The following ZNF487 variants were observed in gnomAD, a reference collection of about 807,000 sequenced individuals.
The protein encoded by ZNF487 is zinc finger protein 487.
A neutral mutation model predicts 3.0 loss-of-function variants in ZNF487; 4 were observed. That is an observed-to-expected ratio of 1.35 (90% CI 0.66 to 3.08). The LOEUF (loss-of-function observed/expected upper bound fraction) is 3.08, where lower values mean the gene tolerates loss of function less well. ZNF487 is among the 30% of genes most tolerant of loss of function. The probability of loss-of-function intolerance (pLI) is 0.01; values close to 1 mark genes in which losing one functional copy is unlikely to be tolerated. For synonymous variants in ZNF487, 55 were observed against 34.6 expected, an observed-to-expected ratio of 1.59 and a Z score of -2.06; for missense variants, 146 against 98.7, an observed-to-expected ratio of 1.48 and a Z score of -2.03.
the ZNF487 span, among the ~76,000 whole-genome samples, chr10:43,518,060 G>A: frequency 6.6e-6 from 1 of 152,144 alleles, no homozygotes; most frequent in Non-Finnish European, 1.5e-5. Context: ...TACATTTTTA[G>A]GCCATTGCCT....
the ZNF487 span, among the ~76,000 whole-genome samples, chr10:43,493,695 G>GAAAA: frequency 9.7e-5 from 4 of 41,268 alleles, no homozygotes; most frequent in African/African-American, 1.9e-4. Flanking sequence ...CTCAAAAAAA[G>GAAAA]AAAAAAAAAA....
chr10:43,439,369 C>T (rs747463851), intron 1 of ZNF487, among the ~76,000 whole-genome samples: 38 of 152,034 alleles, frequency 2.5e-4, no homozygotes, highest in Non-Finnish European at 5.3e-4. Flanking sequence ...TGCTGTACTC[C>T]ACCCTGAGTG....
At chr10:43,520,286 T>C in the ZNF487 span, among the ~76,000 whole-genome samples, 1 of 152,196 alleles carries the variant, frequency 6.6e-6, no homozygotes, top group Admixed American at 6.5e-5. Context: ...GATATTTCTT[T>C]GTTGATTGTA....
intron 1 of ZNF487, among the ~76,000 whole-genome samples, chr10:43,439,093 T>G (rs1309769656): frequency 2.6e-5 from 4 of 151,668 alleles, no homozygotes; most frequent in Non-Finnish European, 4.4e-5. Context: ...TACAAAAATA[T>G]TAGCCGGGCA....
chr10:43,457,494 G>A (rs1275800001), intron 1 of ZNF487, among the ~76,000 whole-genome samples: 2 of 150,176 alleles, frequency 1.3e-5, no homozygotes, highest in African/African-American at 4.9e-5. Flanking sequence ...GGTGGAGGTT[G>A]CAGTGAGCCG....
At position 43,459,768 on chromosome 10, in the gene ZNF487, T is replaced by TTTATTATTATTA. The variant is rs71016770; in HGVS notation, c.-93-15917_-93-15906dup. Among the ~76,000 whole-genome samples, 99 of 138,326 alleles carry TTTATTATTATTA rather than the reference T, an allele frequency of 7.2e-4. 1 individual carries two copies. Among genetic ancestry groups the TTTATTATTATTA allele is most frequent in the East Asian group, 3.2e-3 (15 of 4,672 alleles). The allele number at this position is 138,326 out of a possible 152,430, so 90.7% of individuals were successfully genotyped here. On this transcript the variant is annotated intron_variant, in intron 1 of 3. Coordinates refer to ENST00000437590, the MANE Select transcript of ZNF487 (RefSeq NM_001355444.3). ...TTTGCCGTGTTGCTCAGGCTGTGAG[T>TTTATTATTATTA]TTATTATTATTATTATTATTATTAT... is the stretch of plus-strand genomic sequence containing the variant.
At chr10:43,508,803 A>C in the ZNF487 span, among the ~76,000 whole-genome samples, 1 of 152,046 alleles carries the variant, frequency 6.6e-6, no homozygotes, top group Non-Finnish European at 1.5e-5. Flanking sequence ...CTAAGATTGC[A>C]TCACTGCACT....
the ZNF487 span, among the ~76,000 whole-genome samples, chr10:43,509,122 A>C: frequency 1.3e-5 from 2 of 151,238 alleles, no homozygotes; most frequent in African/African-American, 4.9e-5. Context: ...TGAACACAGG[A>C]GGTGGAGGTT....
At chr10:43,492,442 ATTATTTTATT>A in the ZNF487 span, among the ~76,000 whole-genome samples, 1,075 of 80,246 alleles carry the variant, frequency 0.013, 47 homozygotes, top group African/African-American at 0.034. Context: ...ATTTTATTTT[ATTATTTTATT>A]TTATTTTATT....
intron 1 of ZNF487, among the ~76,000 whole-genome samples, chr10:43,468,852 A>G (rs936148041): frequency 2.6e-5 from 4 of 151,020 alleles, no homozygotes; most frequent in African/African-American, 4.9e-5. Context: ...AGCTGGGTGT[A>G]GTGGTGGGCG....
chr10:43,514,904 A>G, the ZNF487 span, among the ~76,000 whole-genome samples: 1 of 152,166 alleles, frequency 6.6e-6, no homozygotes, highest in African/African-American at 2.4e-5. Flanking sequence ...AATCCACTCC[A>G]CCATCCCAAT....
At chr10:43,469,935 G>A (rs567986150) in intron 1 of ZNF487, among the ~76,000 whole-genome samples, 1 of 151,400 alleles carries the variant, frequency 6.6e-6, no homozygotes, top group Non-Finnish European at 1.5e-5. Context: ...GGGCAACAGA[G>A]CGAGACTCTG....
chr10:43,463,932 C>T (rs1750317664), intron 1 of ZNF487, among the ~76,000 whole-genome samples: 1 of 152,022 alleles, frequency 6.6e-6, no homozygotes, highest in Non-Finnish European at 1.5e-5. Context: ...GTTCCCCTTT[C>T]TCTCTCCCTT....
rs1218848136 is a variant in ZNF487, at chr10:43,437,182, G to A, written c.-174G>A. 3.8e-6 allele frequency: 1 copy of A among 264,598 alleles called. No individual in the cohort carries two copies. Among genetic ancestry groups the A allele is most frequent in the Non-Finnish European group, 7.5e-6 (1 of 132,574 alleles). The allele number at this position is 264,598 out of a possible 1,614,324, so 16.4% of individuals were successfully genotyped here. A position where few individuals can be genotyped will look rare whatever the true frequency, so the allele number is the denominator to read the frequency against. ...TAAGTTCCTCAGCTACGACTACCAG[G>A]TACCTCGGGTTCCTCCCTCCTCCGA... On this transcript the variant is annotated 5_prime_UTR_variant, in exon 1 of 4. Coordinates refer to ENST00000437590, the MANE Select transcript of ZNF487 (RefSeq NM_001355444.3).
rs1342066687 is a variant in ZNF487, at chr10:43,437,195, C to G, written c.-161C>G. The G allele has an allele frequency of 1.9e-5, 5 of 259,390 alleles. No homozygotes were observed. The highest frequency in any genetic ancestry group is 3.9e-5 in the Non-Finnish European group (5 of 129,512). 16.1% of individuals were successfully genotyped at this position (259,390 alleles called of 1,614,324 possible). A position where few individuals can be genotyped will look rare whatever the true frequency, so the allele number is the denominator to read the frequency against. ...TACGACTACCAGGTACCTCGGGTTCCTCCCTCCTCCGAGAGACCGCCGAGG... is the reference window on the plus strand; with the variant it reads ...TACGACTACCAGGTACCTCGGGTTCGTCCCTCCTCCGAGAGACCGCCGAGG... On this transcript the variant is annotated 5_prime_UTR_variant, in exon 1 of 4. Transcript: ENST00000437590.
the ZNF487 span, among the ~76,000 whole-genome samples, chr10:43,505,083 A>G: frequency 6.6e-6 from 1 of 151,968 alleles, no homozygotes; most frequent in Non-Finnish European, 1.5e-5. Context: ...TCACAGGTAC[A>G]GTCACAGTGC....
intron 1 of ZNF487, 75 bp from the exon 2 acceptor site, chr10:43,475,646 G>A (rs189946956): frequency 2.7e-6 from 2 of 736,744 alleles, no homozygotes; most frequent in East Asian, 5.1e-5. Context: ...AACATGACAA[G>A]GTGTTAGATC....
chr10:43,473,467 T>C (rs9422371), intron 1 of ZNF487, among the ~76,000 whole-genome samples: 100,001 of 152,006 alleles, frequency 0.66, 34,462 homozygotes, highest in Non-Finnish European at 0.76. Flanking sequence ...TAAACAGTAA[T>C]ATCTAGCAAG....
At chr10:43,466,843 T>A (rs1328240960) in intron 1 of ZNF487, among the ~76,000 whole-genome samples, 1 of 152,242 alleles carries the variant, frequency 6.6e-6, no homozygotes, top group Non-Finnish European at 1.5e-5. Flanking sequence ...CTTACTAGCA[T>A]GCATCCATTC....
Sources: gnomAD v4.1 joint callset for allele counts (sites outside exome capture counted in the v4.1 genomes callset) on GRCh38, gnomAD v4.1.1 for gene constraint, MANE v1.5 for transcripts, NCBI Gene and HGNC (gene_info 2026-07-23, HGNC 2026-07-21) for gene names.